The following TMEM163 variants were observed in gnomAD, a reference collection of about 807,000 sequenced individuals.
The protein encoded by TMEM163 is transmembrane protein 163.
Under a neutral mutation model 29.3 loss-of-function variants are expected in TMEM163, and 17 were observed. The ratio of observed to expected loss-of-function variants is 0.58; its 90% CI spans 0.40 to 0.87. The LOEUF is 0.87. TMEM163 is among the 40% of genes least tolerant of loss of function. The pLI, the probability that TMEM163 is intolerant of heterozygous loss-of-function variation, is 0.00. For missense variants in TMEM163, 303 were observed against 381.5 expected, an observed-to-expected ratio of 0.79 and a Z score of 1.71; for synonymous variants, 157 against 160.6, an observed-to-expected ratio of 0.98 and a Z score of 0.17.
intron 4 of TMEM163, among the ~76,000 whole-genome samples, chr2:134,534,957 T>C (rs1036395941): frequency 2.0e-5 from 3 of 152,082 alleles, no homozygotes; most frequent in African/African-American, 7.2e-5. Context: ...AGGGGAGCAC[T>C]GAGATACAGG....
At chr2:134,711,820 A>G (rs1279358505) in intron 2 of TMEM163, among the ~76,000 whole-genome samples, 1 of 152,206 alleles carries the variant, frequency 6.6e-6, no homozygotes, top group Non-Finnish European at 1.5e-5. Context: ...TGACAAATCA[A>G]AACAGCTTTA....
chr2:134,698,370 T>C (rs769716954), intron 2 of TMEM163, among the ~76,000 whole-genome samples: 1 of 152,372 alleles, frequency 6.6e-6, no homozygotes, highest in Non-Finnish European at 1.5e-5. Flanking sequence ...GGGCATACAA[T>C]TGTAAATAAT....
intron 2 of TMEM163, among the ~76,000 whole-genome samples, chr2:134,601,755 T>C (rs901759624): frequency 6.6e-6 from 1 of 152,148 alleles, no homozygotes; most frequent in Non-Finnish European, 1.5e-5. Context: ...TCTTCTGAGA[T>C]GGCAAACAAT....
At chr2:134,710,087 C>T (rs1684895662) in intron 2 of TMEM163, among the ~76,000 whole-genome samples, 1 of 152,184 alleles carries the variant, frequency 6.6e-6, no homozygotes, top group Admixed American at 6.5e-5. Flanking sequence ...TACAAATATT[C>T]ATTGATATAT....
At chr2:134,649,375 C>T (rs889211564) in intron 2 of TMEM163, among the ~76,000 whole-genome samples, 5 of 152,172 alleles carry the variant, frequency 3.3e-5, no homozygotes, top group African/African-American at 1.2e-4. Flanking sequence ...ATATCAGTGA[C>T]CAATACACCC....
At chr2:134,686,543 C>T (rs894794169) in intron 2 of TMEM163, among the ~76,000 whole-genome samples, 104 of 152,120 alleles carry the variant, frequency 6.8e-4, no homozygotes, top group Non-Finnish European at 6.6e-4. Flanking sequence ...AACTCACCAA[C>T]TAAAAATTTT....
rs78080434 is a variant in TMEM163, at chr2:134,649,725, C to G, written c.322+63475G>C. Among the ~76,000 whole-genome samples the G allele has an allele frequency of 5.3e-3, 808 of 152,092 alleles. 6 individuals are homozygous for G. Among genetic ancestry groups the G allele is most frequent in the African/African-American group, 0.017 (703 of 41,476 alleles). Reference sequence around the variant, plus strand: ...GGTATCTCTATAGAACATTATGCAGCCTATATAGGCTGAGCATGGTGACTC... The same window carrying G: ...GGTATCTCTATAGAACATTATGCAGGCTATATAGGCTGAGCATGGTGACTC... On this transcript the variant is annotated intron_variant, in intron 2 of 7. Transcript: ENST00000281924.
intron 4 of TMEM163, among the ~76,000 whole-genome samples, chr2:134,512,590 T>C (rs561752933): frequency 6.6e-6 from 1 of 152,188 alleles, no homozygotes; most frequent in Non-Finnish European, 1.5e-5. Flanking sequence ...CACGCCAGAA[T>C]TCATTCATCC....
chr2:134,481,539 C>G (rs1470705874), intron 5 of TMEM163, among the ~76,000 whole-genome samples: 6 of 152,180 alleles, frequency 3.9e-5, no homozygotes, highest in Non-Finnish European at 7.3e-5. Flanking sequence ...GCCTCCCCAG[C>G]CACATGGAAC....
intron 7 of TMEM163, among the ~76,000 whole-genome samples, chr2:134,457,182 T>C (rs1046818341): frequency 6.6e-6 from 1 of 152,202 alleles, no homozygotes; most frequent in Non-Finnish European, 1.5e-5. Context: ...CATTTATCCA[T>C]TCATCTGTTA....
chr2:134,677,642 C>T (rs142222839), intron 2 of TMEM163, among the ~76,000 whole-genome samples: 212 of 152,208 alleles, frequency 1.4e-3, no homozygotes, highest in African/African-American at 4.8e-3. Flanking sequence ...CATAGCTATA[C>T]GTTTCTTAAA....
At chr2:134,531,124 C>T (rs1312347497) in intron 4 of TMEM163, among the ~76,000 whole-genome samples, 2 of 152,172 alleles carry the variant, frequency 1.3e-5, no homozygotes, top group African/African-American at 4.8e-5. Flanking sequence ...TGTACTGTGA[C>T]TAACATCCTA....
chr2:134,606,408 T>A (rs1165549827), intron 2 of TMEM163, among the ~76,000 whole-genome samples: 7 of 151,666 alleles, frequency 4.6e-5, no homozygotes, highest in African/African-American at 1.7e-4. Flanking sequence ...ACAGTGAATG[T>A]TTTCTTCCTT....
At position 134,660,928 on chromosome 2, in the gene TMEM163, T is replaced by C. The variant is rs191405358; in HGVS notation, c.322+52272A>G. On this transcript the variant is annotated intron_variant, in intron 2 of 7. Transcript: ENST00000281924. Reference sequence around the variant, plus strand: ...GGTTTGAATGTGTCCCCATGGTTCATGTGTTGAAGACTTGATCTCCAATGA... The same window carrying C: ...GGTTTGAATGTGTCCCCATGGTTCACGTGTTGAAGACTTGATCTCCAATGA... Among the ~76,000 whole-genome samples the C allele has an allele frequency of 2.6e-5, 4 of 152,332 alleles. No individual in the cohort carries two copies. In the East Asian group the frequency reaches 7.7e-4, roughly 29 times the overall value.
At chr2:134,625,230 T>C (rs980629382) in intron 2 of TMEM163, among the ~76,000 whole-genome samples, 5 of 152,204 alleles carry the variant, frequency 3.3e-5, no homozygotes, top group African/African-American at 1.2e-4. Context: ...GTTTAATAAC[T>C]AATGCCTCTC....
intron 4 of TMEM163, among the ~76,000 whole-genome samples, chr2:134,530,931 G>A (rs574998650): frequency 1.3e-5 from 2 of 152,242 alleles, no homozygotes; most frequent in African/African-American, 4.8e-5. Flanking sequence ...ATATTATCAA[G>A]CTTAGGATTC....
chr2:134,585,691 T>G lies in TMEM163; in HGVS notation c.323-33600A>C, dbSNP rs571900207. On this transcript the variant is annotated intron_variant, in intron 2 of 7. Transcript: ENST00000281924. ...CGGGAGGCGGAGCTTGCAGTGAGTC[T>G]AGATCGCGCCACTGCACTCCAGCCT... is the stretch of plus-strand genomic sequence containing the variant. Among the ~76,000 whole-genome samples, 1,234 of 148,788 alleles carry G rather than the reference T, an allele frequency of 8.3e-3. 5 individuals carry two copies. The highest frequency in any genetic ancestry group is 0.011 in the Non-Finnish European group (752 of 67,726).
At chr2:134,483,758 G>A (rs151054253) in intron 5 of TMEM163, among the ~76,000 whole-genome samples, 73 of 152,242 alleles carry the variant, frequency 4.8e-4, no homozygotes, top group Admixed American at 1.4e-3. Flanking sequence ...CATGTACGAC[G>A]CTCTTTTTTT....
intron 2 of TMEM163, among the ~76,000 whole-genome samples, chr2:134,697,006 C>T (rs1684597710): frequency 6.6e-6 from 1 of 152,130 alleles, no homozygotes; most frequent in South Asian, 2.1e-4. Context: ...GAATTCCTGA[C>T]CTCAGGTGAT....
Sources: allele counts gnomAD v4.1 joint callset (sites outside exome capture counted in the v4.1 genomes callset), GRCh38; gene constraint gnomAD v4.1.1; transcripts MANE v1.5; gene names NCBI Gene and HGNC (gene_info 2026-07-23, HGNC 2026-07-21).